Variants in CCSER1 observed in about 807,000 individuals in gnomAD.
CCSER1 encodes serine-rich coiled-coil domain-containing protein 1.
A neutral mutation model predicts 82.0 loss-of-function variants in CCSER1; 41 were observed. The observed-to-expected ratio is 0.50, with a 90% CI of 0.39 to 0.65. The LOEUF is 0.65. Ranked by LOEUF, CCSER1 falls within the 30% of genes least tolerant of loss-of-function variation. The pLI, the probability that CCSER1 is intolerant of heterozygous loss-of-function variation, is 0.00. For synonymous variants in CCSER1, 414 were observed against 383.9 expected, an observed-to-expected ratio of 1.08 and a Z score of -0.92; for missense variants, 1,119 against 1,064.2, an observed-to-expected ratio of 1.05 and a Z score of -0.72.
chr4:91,106,837 A>G (rs1725665633), intron 10 of CCSER1, among the ~76,000 whole-genome samples: 1 of 152,214 alleles, frequency 6.6e-6, no homozygotes, highest in Admixed American at 6.5e-5. Context: ...TCTACTCTAT[A>G]GATGAATTAT....
At chr4:90,510,908 G>A (rs1771401132) in intron 5 of CCSER1, among the ~76,000 whole-genome samples, 1 of 152,190 alleles carries the variant, frequency 6.6e-6, no homozygotes, top group African/African-American at 2.4e-5. Context: ...GGACAAGGAA[G>A]TTGATGCAGG....
chr4:90,472,678 G>T (rs768965222), intron 5 of CCSER1, among the ~76,000 whole-genome samples: 2 of 152,078 alleles, frequency 1.3e-5, no homozygotes, highest in Non-Finnish European at 2.9e-5. Context: ...CCATAGAAAG[G>T]ATAAACTTTT....
intron 8 of CCSER1, among the ~76,000 whole-genome samples, chr4:90,887,154 T>G (rs1242059659): frequency 6.6e-6 from 1 of 152,098 alleles, no homozygotes; most frequent in African/African-American, 2.4e-5. Context: ...AAAGACAATC[T>G]TAGGTAGAAT....
chr4:90,775,454 C>T (rs188568168), intron 7 of CCSER1, among the ~76,000 whole-genome samples: 5 of 151,968 alleles, frequency 3.3e-5, no homozygotes, highest in African/African-American at 1.2e-4. Context: ...CATGGAGAGA[C>T]GATTTTTGAA....
intron 9 of CCSER1, among the ~76,000 whole-genome samples, chr4:91,059,355 G>GTGTATATAGA (rs1743754884): frequency 2.4e-5 from 2 of 81,970 alleles, no homozygotes; most frequent in African/African-American, 9.2e-5. Context: ...ATATATACAC[G>GTGTATATAGA]TGTGTATGTG....
chr4:90,933,201 T>A (rs1286350559), intron 9 of CCSER1, among the ~76,000 whole-genome samples: 1 of 149,640 alleles, frequency 6.7e-6, no homozygotes. Flanking sequence ...TTTATTTTTT[T>A]TTTTGAGACG....
At chr4:90,625,667 A>T (rs978347593) in intron 5 of CCSER1, among the ~76,000 whole-genome samples, 1 of 152,232 alleles carries the variant, frequency 6.6e-6, no homozygotes, top group Non-Finnish European at 1.5e-5. Flanking sequence ...CAGTGACAGA[A>T]TCCTATTAAT....
chr4:90,670,629 C>T (rs919216422), intron 6 of CCSER1, among the ~76,000 whole-genome samples: 4 of 151,974 alleles, frequency 2.6e-5, no homozygotes, highest in Admixed American at 2.0e-4. Flanking sequence ...CTCACAGCAG[C>T]TGGATCAAAT....
intron 10 of CCSER1, among the ~76,000 whole-genome samples, chr4:91,416,020 C>T (rs192964630): frequency 6.6e-6 from 1 of 152,148 alleles, no homozygotes; most frequent in East Asian, 1.9e-4. Context: ...GTAAATCCAT[C>T]TTGTCCTGGT....
At chr4:91,431,146 G>C (rs1405884154) in intron 10 of CCSER1, among the ~76,000 whole-genome samples, 1 of 152,146 alleles carries the variant, frequency 6.6e-6, no homozygotes, top group Non-Finnish European at 1.5e-5. Context: ...TGAGGCAGGA[G>C]AATGGCGTGA....
chr4:91,511,267 G>T (rs966168364), intron 10 of CCSER1, among the ~76,000 whole-genome samples: 1 of 151,906 alleles, frequency 6.6e-6, no homozygotes, highest in Non-Finnish European at 1.5e-5. Flanking sequence ...TGATGCCTCT[G>T]GCCTTCTTAT....
At chr4:90,681,900 A>G (rs9759569) in intron 6 of CCSER1, among the ~76,000 whole-genome samples, 69,695 of 151,784 alleles carry the variant, frequency 0.46, 16,398 homozygotes, top group Middle Eastern at 0.58. Context: ...GGGAAATATA[A>G]CAAAAGGAAG....
Position 91,119,822 on chromosome 4 carries a change from T to A in CCSER1, c.2217+33828T>A, listed in dbSNP as rs190589142. Among the ~76,000 whole-genome samples, 108 of 152,192 alleles carry A rather than the reference T, an allele frequency of 7.1e-4. No individual in the cohort carries two copies. The Middle Eastern group carries it at 0.017, about 24-fold the overall frequency. On this transcript the variant is annotated intron_variant, in intron 10 of 10. Coordinates refer to ENST00000509176, the MANE Select transcript of CCSER1 (RefSeq NM_001145065.2). The stretch of plus-strand genomic sequence containing the variant: ...TATATTGTGTAGTGTGCATTTTATA[T>A]GTATAAATATGTGTGTAAAGCATAT...
intron 9 of CCSER1, among the ~76,000 whole-genome samples, chr4:91,003,423 G>A (rs548310677): frequency 6.6e-6 from 1 of 152,180 alleles, no homozygotes; most frequent in African/African-American, 2.4e-5. Flanking sequence ...ATGGCGGTGA[G>A]GTTCCCAGGT....
chr4:90,198,247 T>C (rs149247394), intron 1 of CCSER1, among the ~76,000 whole-genome samples: 33 of 152,162 alleles, frequency 2.2e-4, no homozygotes, highest in African/African-American at 7.7e-4. Flanking sequence ...GTTCCTTTCT[T>C]TTTCTAATCA....
intron 1 of CCSER1, among the ~76,000 whole-genome samples, chr4:90,135,387 T>A (rs1723494888): frequency 6.6e-6 from 1 of 152,028 alleles, no homozygotes; most frequent in Admixed American, 6.6e-5. Flanking sequence ...AACAACCTCA[T>A]TTTTTAAAAA....
chr4:90,789,053 C>T (rs1049219441), intron 7 of CCSER1, among the ~76,000 whole-genome samples: 5 of 152,068 alleles, frequency 3.3e-5, no homozygotes, highest in African/African-American at 1.2e-4. Flanking sequence ...AACAACTATT[C>T]TGTTCACAAG....
intron 8 of CCSER1, among the ~76,000 whole-genome samples, chr4:90,907,121 G>T (rs1277032617): frequency 6.6e-6 from 1 of 152,116 alleles, no homozygotes; most frequent in African/African-American, 2.4e-5. Context: ...AGGGAAAATT[G>T]CAGACCTTTA....
chr4:91,340,012 T>G (rs1578222077), intron 10 of CCSER1, among the ~76,000 whole-genome samples: 1 of 151,864 alleles, frequency 6.6e-6, no homozygotes, highest in Admixed American at 6.6e-5. Context: ...AGCAATTCAG[T>G]AGGCTGAGGC....
Sources: allele counts gnomAD v4.1 joint callset (sites outside exome capture counted in the v4.1 genomes callset), GRCh38; gene constraint gnomAD v4.1.1; transcripts MANE v1.5; gene names NCBI Gene and HGNC (gene_info 2026-07-23, HGNC 2026-07-21).